NME6: variants seen among roughly 807,000 people sequenced by gnomAD.
NME6 encodes the protein NME/NM23 nucleoside diphosphate kinase 6.
NME6 carries 16 observed loss-of-function variants against 22.2 expected under a neutral mutation model. That is an observed-to-expected ratio of 0.72 (90% confidence interval 0.49 to 1.09). The LOEUF is 1.09. NME6 is among the 50% of genes least tolerant of loss of function. The pLI, the probability that NME6 is intolerant of heterozygous loss-of-function variation, is 0.00. For missense variants in NME6, 229 were observed against 239.0 expected, an observed-to-expected ratio of 0.96 and a Z score of 0.28; for synonymous variants, 58 against 85.2, an observed-to-expected ratio of 0.68 and a Z score of 1.76.
chr3:48,300,391 G>C (rs1158423172), intron 1 of NME6: 1 of 455,678 alleles, frequency 2.2e-6, no homozygotes, highest in African/African-American at 2.0e-5. Flanking sequence ...AGTAGTTTTC[G>C]CAGTCCTGAA....
chr3:48,293,466 A>T lies in NME6; in HGVS notation c.*1171T>A, dbSNP rs1315235653. 6.6e-6 allele frequency: 1 copy of T among 152,238 alleles called. No homozygotes were observed. Among genetic ancestry groups the T allele is most frequent in the East Asian group, 1.9e-4 (1 of 5,200 alleles). 9.4% of individuals were successfully genotyped at this position (152,238 alleles called of 1,614,324 possible). A position where few individuals can be genotyped will look rare whatever the true frequency, so the allele number is the denominator to read the frequency against. On this transcript the variant is annotated 3_prime_UTR_variant, in exon 6 of 6. Transcript: ENST00000442597. Reference sequence around the variant, plus strand: ...GTGTCACAGGTTTCTTAGGTCACACATACAAAACTGACCCATATATTCCTG... The same window carrying T: ...GTGTCACAGGTTTCTTAGGTCACACTTACAAAACTGACCCATATATTCCTG...
At chr3:48,298,622 C>T (rs573092585) in intron 1 of NME6, 99 bp from the exon 2 acceptor site, 346 of 732,812 alleles carry the variant, frequency 4.7e-4, no homozygotes, top group Non-Finnish European at 6.7e-4. Flanking sequence ...AGTGCTCTCA[C>T]TCCTGACACT....
chr3:48,298,468 G>C lies in NME6; in HGVS notation c.49C>G (p.Leu17Val). ...SPQALQLTLA[L>V]IKPDAVAHPL... ...TGGGCGACTGCGTCAGGCTTGATCA[G>C]GGCTAGAGTGAGCTGGAGAGCCTGA... Residue 17 changes from leucine to valine, a missense_variant, in exon 2 of 6, where the codon CTG becomes GTG. By Grantham distance (32) the Leu-to-Val change is conservative (BLOSUM62 1). Transcript: ENST00000442597. The C allele has an allele frequency of 6.2e-7, 1 of 1,613,448 alleles. No individual in the cohort carries two copies. The highest frequency in any genetic ancestry group is 1.1e-5 in the South Asian group (1 of 91,008).
rs1418993971 is a variant in NME6 at position 48,294,082 on chromosome 3, CTTCT to C, written c.*551_*554del. The C allele has an allele frequency of 7.0e-6, 1 of 142,318 alleles. No individual in the cohort carries two copies. The highest frequency in any genetic ancestry group is 2.5e-5 in the African/African-American group (1 of 40,502). The allele number at this position is 142,318 out of a possible 1,614,324, so 8.8% of individuals were successfully genotyped here. A position where few individuals can be genotyped will look rare whatever the true frequency, so the allele number is the denominator to read the frequency against. Reference sequence around the variant, plus strand: ...TTTTTAGGCAAGTCAATTAGACAAGCTTCTTTTTTTTTTTTTTTGAGACAGAATG... The same window carrying C: ...TTTTTAGGCAAGTCAATTAGACAAGCTTTTTTTTTTTTTTGAGACAGAATG... On this transcript the variant is annotated 3_prime_UTR_variant, in exon 6 of 6. Transcript: ENST00000442597.
Position 48,294,741 on chromosome 3 carries a change from A to G in NME6, c.457T>C (p.Trp153Arg). The G allele has an allele frequency of 6.2e-7, 1 of 1,614,122 alleles. No homozygotes were observed. The change falls in exon 6 of 6, where the codon TGG (tryptophan) becomes CGG (arginine). Residue 153 changes from tryptophan to arginine, a missense_variant. Coordinates refer to ENST00000442597, the MANE Select transcript of NME6 (RefSeq NM_001308426.2). The stretch of plus-strand genomic sequence containing the variant: ...AACTGGGGCTCTTCCTCCTCATACC[A>G]GCGCTGTTCACTGAAGTCAGGGAAG... Reference protein sequence around the residue: ...AFFPDFSEQRWYEEEEPQLRC... With the variant: ...AFFPDFSEQRRYEEEEPQLRC...
rs148190820 is a variant in NME6 at position 48,296,928 on chromosome 3, G to A, written c.91-99C>T. The A allele has an allele frequency of 6.9e-4, 611 of 880,402 alleles. 4 individuals are homozygous for A. In the African/African-American group the frequency reaches 9.0e-3, roughly 13 times the overall value. The allele number at this position is 880,402 out of a possible 1,614,324, so 54.5% of individuals were successfully genotyped here. A position where few individuals can be genotyped will look rare whatever the true frequency, so the allele number is the denominator to read the frequency against. On this transcript the variant is annotated intron_variant, in intron 2 of 5. Transcript: ENST00000442597. Reference sequence around the variant, plus strand: ...CTTGTTGCTCAGGACCTGAGGGTTTGTCCCATTGAAGGGTGAGAAGACGAG... The same window carrying A: ...CTTGTTGCTCAGGACCTGAGGGTTTATCCCATTGAAGGGTGAGAAGACGAG...
At position 48,294,882 on chromosome 3, in the gene NME6, G is replaced by A. The variant is rs1575317263; in HGVS notation, c.395-79C>T. 3.3e-6 allele frequency: 5 copies of A among 1,510,958 alleles called. 1 individual carries two copies. Among genetic ancestry groups the A allele is most frequent in the Non-Finnish European group, 4.5e-6 (5 of 1,102,322 alleles). The allele number at this position is 1,510,958 out of a possible 1,614,324, so 93.6% of individuals were successfully genotyped here. A position where few individuals can be genotyped will look rare whatever the true frequency, so the allele number is the denominator to read the frequency against. ...CAGTCATAATCAGGTTCAGAATCCT[G>A]AGCCTCTACTCTGCCTGCCCCTTCA... On this transcript the variant is annotated intron_variant, in intron 5 of 5. Coordinates refer to ENST00000442597, the MANE Select transcript of NME6 (RefSeq NM_001308426.2).
At chr3:48,300,219 A>G in intron 1 of NME6, 1 of 456,490 alleles carries the variant, frequency 2.2e-6, no homozygotes, top group South Asian at 1.5e-5. Flanking sequence ...TAGAATAAAA[A>G]CCAAAATCCT....
At chr3:48,295,400 T>G in intron 4 of NME6, 165 bp from the exon 5 acceptor site, 1 of 739,516 alleles carries the variant, frequency 1.4e-6, no homozygotes, top group Non-Finnish European at 2.2e-6. Flanking sequence ...CCCCTGCTGG[T>G]GTACATCAAG....
At chr3:48,290,727 C>T (rs1469469852), downstream of NME6, 1 of 157,162 alleles carries the variant, frequency 6.4e-6, no homozygotes, top group Non-Finnish European at 1.4e-5. Flanking sequence ...ACATTCTATT[C>T]CATGTTTAAT....
rs971191372 is a variant in NME6, at chr3:48,294,506, G to A, written c.*131C>T. 1.3e-6 allele frequency: 1 copy of A among 792,886 alleles called. No individual in the cohort carries two copies. The highest frequency in any genetic ancestry group is 2.0e-6 in the Non-Finnish European group (1 of 493,342). The allele number at this position is 792,886 out of a possible 1,614,324, so 49.1% of individuals were successfully genotyped here. A position where few individuals can be genotyped will look rare whatever the true frequency, so the allele number is the denominator to read the frequency against. ...CTGGAGGATGTGCTGTGGTGAGCTAGGCCCTCAGGCAGGTGGTGGTGCCCA... is the reference window on the plus strand; with the variant it reads ...CTGGAGGATGTGCTGTGGTGAGCTAAGCCCTCAGGCAGGTGGTGGTGCCCA... On this transcript the variant is annotated 3_prime_UTR_variant, in exon 6 of 6. Transcript: ENST00000442597.
chr3:48,296,615 C>A (rs2035130270), intron 3 of NME6, 112 bp downstream of exon 3: 1 of 720,400 alleles, frequency 1.4e-6, no homozygotes, highest in South Asian at 1.8e-5. Context: ...AAACTGGCTG[C>A]AACTGTACAC....
chr3:48,294,887 TCTA>T, intron 5 of NME6, 84 bp from the exon 6 acceptor site: 1 of 1,492,778 alleles, frequency 6.7e-7, no homozygotes, highest in East Asian at 2.3e-5. Context: ...ATCCTGAGCC[TCTA>T]CTCTGCCTGC....
rs1307907097 is a variant in NME6 at position 48,294,285 on chromosome 3, G to T, written c.*352C>A. The T allele has an allele frequency of 2.6e-5, 5 of 191,678 alleles. No individual in the cohort carries two copies. The highest frequency in any genetic ancestry group is 2.3e-3 in the Middle Eastern group (1 of 444). The allele number at this position is 191,678 out of a possible 1,614,324, so 11.9% of individuals were successfully genotyped here. On this transcript the variant is annotated 3_prime_UTR_variant, in exon 6 of 6. Coordinates refer to ENST00000442597, the MANE Select transcript of NME6 (RefSeq NM_001308426.2). ...GATGGGGTTTCACCATGTTGGTCAG[G>T]CTGGTCTCGAATTCCTGACCTTGTG...
rs769567226 is a variant in NME6 at position 48,295,214 on chromosome 3, G to T, written c.255C>A (p.Ile85=). 1 of 1,613,806 alleles carries T rather than the reference G, an allele frequency of 6.2e-7. No homozygotes were observed. Among genetic ancestry groups the T allele is most frequent in the African/African-American group, 1.3e-5 (1 of 74,930 alleles). ...FMASGPIRAY[I]LAHKDAIQLW... ...GCTGGATGGCATCCTTGTGGGCAAGGATGTAGGCTCGGATTGGCCCGCTGT... is the reference window on the plus strand; with the variant it reads ...GCTGGATGGCATCCTTGTGGGCAAGTATGTAGGCTCGGATTGGCCCGCTGT... Residue 85 remains isoleucine, a synonymous_variant, in exon 5 of 6, where the codon ATC becomes ATA. Transcript: ENST00000442597.
At chr3:48,298,661 G>T (rs1477520536) in intron 1 of NME6, 138 bp from the exon 2 acceptor site, 10 of 628,500 alleles carry the variant, frequency 1.6e-5, no homozygotes, top group Non-Finnish European at 2.5e-5. Context: ...TTCATCTTAA[G>T]GCCATATACA....
rs1011051811 is a variant in NME6, at chr3:48,293,249, C to T, written c.*1388G>A. 5.3e-5 allele frequency: 8 copies of T among 152,218 alleles called. No individual in the cohort carries two copies. Among genetic ancestry groups the T allele is most frequent in the Admixed American group, 2.0e-4 (3 of 15,280 alleles). The allele number at this position is 152,218 out of a possible 1,614,324, so 9.4% of individuals were successfully genotyped here. A position where few individuals can be genotyped will look rare whatever the true frequency, so the allele number is the denominator to read the frequency against. On this transcript the variant is annotated 3_prime_UTR_variant, in exon 6 of 6. Coordinates refer to ENST00000442597, the MANE Select transcript of NME6 (RefSeq NM_001308426.2). ...TTTGGTTCTATATTGCCAGCTGATG[C>T]TTTCAGATAGATGCTGTTTATATTT...
rs781392321 is a variant in NME6, at chr3:48,295,201, C to T, written c.268G>A (p.Asp90Asn). Residue 90 changes from aspartate to asparagine, a missense_variant, in exon 5 of 6, where the codon GAT becomes AAT. By Grantham distance (23) the Asp-to-Asn change is conservative. Coordinates refer to ENST00000442597, the MANE Select transcript of NME6 (RefSeq NM_001308426.2). ...PIRAYILAHKDAIQLWRTLMG... is the reference protein window; with the variant it reads ...PIRAYILAHKNAIQLWRTLMG... ...AGCGTCCTCCAGAGCTGGATGGCATCCTTGTGGGCAAGGATGTAGGCTCGG... is the reference window on the plus strand; with the variant it reads ...AGCGTCCTCCAGAGCTGGATGGCATTCTTGTGGGCAAGGATGTAGGCTCGG... 2 of 1,614,076 alleles carry T rather than the reference C, an allele frequency of 1.2e-6. No individual in the cohort carries two copies. The highest frequency in any genetic ancestry group is 2.2e-5 in the East Asian group (1 of 44,884).
Position 48,296,723 on chromosome 3 carries a change from C to T in NME6, c.193+4G>A. 6.2e-7 allele frequency: 1 copy of T among 1,606,090 alleles called. No individual in the cohort carries two copies. The highest frequency in any genetic ancestry group is 8.5e-7 in the Non-Finnish European group (1 of 1,174,074). ...CCTTCCATTCAGAGGACTACTGATCCTACCTTCATGCTCTCGGTAAAACCT... is the reference window on the plus strand; with the variant it reads ...CCTTCCATTCAGAGGACTACTGATCTTACCTTCATGCTCTCGGTAAAACCT... On this transcript the variant is annotated splice_donor_region_variant and intron_variant, in intron 3 of 5. Transcript: ENST00000442597.
Sources: gnomAD v4.1 joint callset for allele counts on GRCh38, gnomAD v4.1.1 for gene constraint, MANE v1.5 for transcripts, NCBI Gene and HGNC (gene_info 2026-07-23, HGNC 2026-07-21) for gene names.